The following MTERF3 variants were observed in gnomAD, a reference collection of about 807,000 sequenced individuals.
MTERF3 encodes the protein mitochondrial transcription termination factor 3.
MTERF3 carries 40 observed loss-of-function variants against 40.5 expected under a neutral mutation model. The ratio of observed to expected loss-of-function variants is 0.99; its 90% CI spans 0.77 to 1.29. MTERF3 has a LOEUF of 1.29. Ranked by LOEUF, MTERF3 falls within the 50% of genes most tolerant of loss-of-function variation. The pLI, the probability that MTERF3 is intolerant of heterozygous loss-of-function variation, is 0.00. For synonymous variants in MTERF3, 158 were observed against 166.6 expected, an observed-to-expected ratio of 0.95 and a Z score of 0.40; for missense variants, 452 against 478.2, an observed-to-expected ratio of 0.95 and a Z score of 0.51.
At chr8:96,254,077 C>A (rs1480660393) in intron 3 of MTERF3, among the ~76,000 whole-genome samples, 1 of 152,088 alleles carries the variant, frequency 6.6e-6, no homozygotes, top group Non-Finnish European at 1.5e-5. Context: ...TGCCATAAGA[C>A]AGGGAAAGCT....
At chr8:96,260,403 T>C (rs1249493942) in intron 1 of MTERF3, among the ~76,000 whole-genome samples, 1 of 149,312 alleles carries the variant, frequency 6.7e-6, no homozygotes, top group African/African-American at 2.5e-5. Context: ...TTGACAAGGC[T>C]GTTTCTGGCA....
chr8:96,250,684 G>GA (rs1174594294), intron 4 of MTERF3, among the ~76,000 whole-genome samples: 13 of 13,540 alleles, frequency 9.6e-4, no homozygotes, highest in Middle Eastern at 0.045. Flanking sequence ...GAAGAAGAAG[G>GA]AGGAGGAGGA....
chr8:96,240,504 C>T (rs1234238058), intron 7 of MTERF3, among the ~76,000 whole-genome samples: 1 of 152,168 alleles, frequency 6.6e-6, no homozygotes, highest in African/African-American at 2.4e-5. Flanking sequence ...TGAAATGAAT[C>T]TGACCTCTGG....
intron 5 of MTERF3, 123 bp from the exon 6 acceptor site, chr8:96,246,054 A>G: frequency 1.1e-6 from 1 of 900,580 alleles, no homozygotes; most frequent in Non-Finnish European, 1.7e-6. Context: ...GAAAAATGAT[A>G]GGAACCCCAG....
At chr8:96,253,285 G>A (rs1332016688) in intron 3 of MTERF3, among the ~76,000 whole-genome samples, 1 of 152,264 alleles carries the variant, frequency 6.6e-6, no homozygotes, top group East Asian at 1.9e-4. Context: ...ATGTTACCAC[G>A]GCGCAGAGGG....
chr8:96,256,889 T>C lies in MTERF3; in HGVS notation c.487+73A>G, dbSNP rs1011116050. ...TGTATACTACTTAGTATAGATTAAA[T>C]TGTTAATTTAAAAAAGTAAAAAAAG... is the stretch of plus-strand genomic sequence containing the variant. On this transcript the variant is annotated intron_variant, in intron 3 of 7. Transcript: ENST00000287025. 9 of 1,385,518 alleles carry C rather than the reference T, an allele frequency of 6.5e-6. No homozygotes were observed. The African/African-American group carries it at 7.4e-5, about 11-fold the overall frequency. The allele number at this position is 1,385,518 out of a possible 1,614,324, so 85.8% of individuals were successfully genotyped here. A position where few individuals can be genotyped will look rare whatever the true frequency, so the allele number is the denominator to read the frequency against.
rs1294515156 is a variant in MTERF3 at position 96,250,396 on chromosome 8, G to GTAATAAGT, written c.677+502_677+509dup. Among the ~76,000 whole-genome samples, 24 of 146,066 alleles carry GTAATAAGT rather than the reference G, an allele frequency of 1.6e-4. No individual in the cohort carries two copies. The East Asian group carries it at 4.8e-3, about 29-fold the overall frequency. On this transcript the variant is annotated intron_variant, in intron 4 of 7. Coordinates refer to ENST00000287025, the MANE Select transcript of MTERF3 (RefSeq NM_015942.5). Reference sequence around the variant, plus strand: ...AGAGAAAGAGTTAATTACTGACTCAGTAATAAGTTGAAAACATAAAAATAA... The same window carrying GTAATAAGT: ...AGAGAAAGAGTTAATTACTGACTCAGTAATAAGTTAATAAGTTGAAAACATAAAAATAA...
intron 3 of MTERF3, among the ~76,000 whole-genome samples, chr8:96,256,759 T>C (rs1342265894): frequency 6.6e-6 from 1 of 152,066 alleles, no homozygotes; most frequent in Non-Finnish European, 1.5e-5. Flanking sequence ...ATGATACAAG[T>C]TAAGTAGATG....
rs758371682 is a variant in MTERF3, at chr8:96,256,915, T to G, written c.487+47A>C. The G allele has an allele frequency of 7.9e-6, 12 of 1,523,736 alleles. No homozygotes were observed. In the South Asian group the frequency reaches 1.5e-4, roughly 19 times the overall value. 94.4% of individuals were successfully genotyped at this position (1,523,736 alleles called of 1,614,324 possible). A position where few individuals can be genotyped will look rare whatever the true frequency, so the allele number is the denominator to read the frequency against. On this transcript the variant is annotated intron_variant, in intron 3 of 7. Transcript: ENST00000287025. ...TGTTAATTTAAAAAAGTAAAAAAAGTAATGAAGAGTACATGCAAAAAGTAC... is the reference window on the plus strand; with the variant it reads ...TGTTAATTTAAAAAAGTAAAAAAAGGAATGAAGAGTACATGCAAAAAGTAC...
intron 7 of MTERF3, among the ~76,000 whole-genome samples, chr8:96,240,685 G>A (rs1352485968): frequency 6.6e-6 from 1 of 152,176 alleles, no homozygotes; most frequent in Non-Finnish European, 1.5e-5. Flanking sequence ...CAGCCCTGAA[G>A]CCTGAGAGAC....
intron 2 of MTERF3, among the ~76,000 whole-genome samples, chr8:96,257,870 C>T (rs931267585): frequency 7.2e-5 from 11 of 152,142 alleles, no homozygotes; most frequent in Admixed American, 3.9e-4. Flanking sequence ...TCATTACCAG[C>T]GAAATATTCC....
At chr8:96,245,312 T>G (rs1454266474) in intron 6 of MTERF3, among the ~76,000 whole-genome samples, 2 of 152,238 alleles carry the variant, frequency 1.3e-5, no homozygotes, top group African/African-American at 4.8e-5. Flanking sequence ...CAGCTGCTCT[T>G]GGCTTTATCT....
At chr8:96,251,378 C>T (rs1042585833) in intron 3 of MTERF3, among the ~76,000 whole-genome samples, 2 of 152,158 alleles carry the variant, frequency 1.3e-5, no homozygotes, top group African/African-American at 4.8e-5. Flanking sequence ...TCATCTTTGT[C>T]TAAGGTTTCT....
intron 3 of MTERF3, among the ~76,000 whole-genome samples, chr8:96,252,006 TA>T (rs1165056660): frequency 2.0e-5 from 3 of 152,210 alleles, no homozygotes; most frequent in Non-Finnish European, 4.4e-5. Context: ...TGTTGTGTGA[TA>T]CTGAATAAGT....
chr8:96,249,835 T>C (rs1373579214), intron 4 of MTERF3, among the ~76,000 whole-genome samples: 2 of 152,182 alleles, frequency 1.3e-5, no homozygotes, highest in East Asian at 3.8e-4. Flanking sequence ...GAAGAACTGA[T>C]GGGCTTTCAT....
At chr8:96,253,036 T>A (rs1810214413) in intron 3 of MTERF3, among the ~76,000 whole-genome samples, 1 of 152,228 alleles carries the variant, frequency 6.6e-6, no homozygotes, top group Admixed American at 6.5e-5. Context: ...GATTCTAACC[T>A]CTAGGTGACC....
rs913458861 is a variant in MTERF3, at chr8:96,261,544, A to G, written c.-54T>C. 6.5e-6 allele frequency: 1 copy of G among 154,316 alleles called. No individual in the cohort carries two copies. Among genetic ancestry groups the G allele is most frequent in the African/African-American group, 2.4e-5 (1 of 41,448 alleles). The allele number at this position is 154,316 out of a possible 1,614,324, so 9.6% of individuals were successfully genotyped here. The stretch of plus-strand genomic sequence containing the variant: ...CCCGTAGCGGGTGACCCCGGGACCG[A>G]CCAACTCGCTGGGCCGCACGTCCCG... On this transcript the variant is annotated 5_prime_UTR_variant, in exon 1 of 8. Transcript: ENST00000287025.
rs145611879 is a variant in MTERF3, at chr8:96,252,987, T to A, written c.488-1892A>T. ...TGAATGCCCACTATGGACCAGGCACTTTTTTAGGTATTGGGGTTATAAAAA... is the reference window on the plus strand; with the variant it reads ...TGAATGCCCACTATGGACCAGGCACATTTTTAGGTATTGGGGTTATAAAAA... On this transcript the variant is annotated intron_variant, in intron 3 of 7. Transcript: ENST00000287025. Among the ~76,000 whole-genome samples the A allele has an allele frequency of 3.7e-3, 566 of 152,320 alleles. 4 individuals carry two copies. The highest frequency in any genetic ancestry group is 0.013 in the African/African-American group (536 of 41,572).
At position 96,245,777 on chromosome 8, in the gene MTERF3, A is replaced by G. The variant is rs1810009089; in HGVS notation, c.897+83T>C. Reference sequence around the variant, plus strand: ...ATTTTAAAGTCTAGTTTTCTTTTACATGACAATAGCAAAATCTGTTCTCTT... The same window carrying G: ...ATTTTAAAGTCTAGTTTTCTTTTACGTGACAATAGCAAAATCTGTTCTCTT... On this transcript the variant is annotated intron_variant, in intron 6 of 7. Transcript: ENST00000287025. 5.8e-6 allele frequency: 7 copies of G among 1,206,570 alleles called. No individual in the cohort carries two copies. The South Asian group carries it at 6.8e-5, about 12-fold the overall frequency. 74.7% of individuals were successfully genotyped at this position (1,206,570 alleles called of 1,614,324 possible). A position where few individuals can be genotyped will look rare whatever the true frequency, so the allele number is the denominator to read the frequency against.
Sources: allele counts gnomAD v4.1 joint callset (sites outside exome capture counted in the v4.1 genomes callset), GRCh38; gene constraint gnomAD v4.1.1; transcripts MANE v1.5; gene names NCBI Gene and HGNC (gene_info 2026-07-23, HGNC 2026-07-21).